The following URI1 variants were observed in gnomAD, a reference collection of about 807,000 sequenced individuals.
URI1 encodes the protein URI1 prefoldin like chaperone.
Under a neutral mutation model 60.2 loss-of-function variants are expected in URI1, and 39 were observed. The ratio of observed to expected loss-of-function variants is 0.65; its 90% CI spans 0.50 to 0.85. The LOEUF (loss-of-function observed/expected upper bound fraction) is 0.85. Ranked by LOEUF, URI1 falls within the 40% of genes least tolerant of loss-of-function variation. URI1 has a pLI of 0.00. For missense variants in URI1, 691 were observed against 665.9 expected, an observed-to-expected ratio of 1.04 and a Z score of -0.42; for synonymous variants, 251 against 236.8, an observed-to-expected ratio of 1.06 and a Z score of -0.55.
rs2055037824 is a variant in URI1, at chr19:29,942,347, C to T, written c.-201C>T. 1.0e-6 allele frequency: 1 copy of T among 984,832 alleles called. No homozygotes were observed. The highest frequency in any genetic ancestry group is 1.2e-6 in the Non-Finnish European group (1 of 829,606). 61.0% of individuals were successfully genotyped at this position (984,832 alleles called of 1,614,324 possible). ...CTCGGAGCCCGCTGCGGGGCGGCGGCGGCGGGGACATGCACGTGTGAGATG... is the reference window on the plus strand; with the variant it reads ...CTCGGAGCCCGCTGCGGGGCGGCGGTGGCGGGGACATGCACGTGTGAGATG... On this transcript the variant is annotated 5_prime_UTR_variant, in exon 1 of 11. Transcript: ENST00000392271.
chr19:29,932,825 G>C (rs2054934131), intron 1 of URI1, among the ~76,000 whole-genome samples: 1 of 150,540 alleles, frequency 6.6e-6, no homozygotes, highest in Admixed American at 6.6e-5. Context: ...CTAATTTTTT[G>C]TATTTTTAGT....
intron 2 of URI1, among the ~76,000 whole-genome samples, chr19:29,982,937 A>AGC (rs2055616869): frequency 6.6e-6 from 1 of 152,154 alleles, no homozygotes; most frequent in Non-Finnish European, 1.5e-5. Context: ...CATTGAAGTT[A>AGC]CTAAGACTAA....
chr19:29,957,995 G>T (rs2055272472), intron 1 of URI1: 1 of 147,756 alleles, frequency 6.8e-6, no homozygotes. Context: ...TTGCTGTGTT[G>T]GCCAGACTAG....
chr19:29,985,222 G>A lies in URI1; in HGVS notation c.153-1G>A. The A allele has an allele frequency of 6.4e-7, 1 of 1,550,706 alleles. No homozygotes were observed. ...GTGTATTTGGTGTTTTCTGTCAACAGGAAGAAGGTAGATAATGACTATAAT... is the reference window on the plus strand; with the variant it reads ...GTGTATTTGGTGTTTTCTGTCAACAAGAAGAAGGTAGATAATGACTATAAT... On this transcript the variant is annotated splice_acceptor_variant, in intron 2 of 10. Transcript: ENST00000392271. LOFTEE classifies it high-confidence loss of function.
intron 10 of URI1, among the ~76,000 whole-genome samples, chr19:30,013,618 CTT>C (rs1414967109): frequency 2.0e-5 from 3 of 152,226 alleles, no homozygotes; most frequent in African/African-American, 7.2e-5. Context: ...CCCTTAGTAG[CTT>C]TGCATTTTGT....
intron 1 of URI1, among the ~76,000 whole-genome samples, chr19:29,949,480 G>C (rs552021553): frequency 6.6e-6 from 1 of 152,348 alleles, no homozygotes; most frequent in Non-Finnish European, 1.5e-5. Flanking sequence ...CGGCCAGGCA[G>C]AGACACTCCT....
intron 4 of URI1, among the ~76,000 whole-genome samples, chr19:30,000,749 G>A (rs922804647): frequency 6.6e-5 from 10 of 151,936 alleles, no homozygotes; most frequent in Admixed American, 1.3e-4. Context: ...CCTTGAAGCC[G>A]TGCTATGGAT....
chr19:29,986,493 T>G, intron 4 of URI1, 76 bp downstream of exon 4: 1 of 1,533,622 alleles, frequency 6.5e-7, no homozygotes, highest in Non-Finnish European at 8.8e-7. Flanking sequence ...AAGGGCTGTT[T>G]CTTACCAAAA....
chr19:29,981,989 T>C (rs1347330058), intron 2 of URI1, among the ~76,000 whole-genome samples: 4 of 152,210 alleles, frequency 2.6e-5, no homozygotes, highest in African/African-American at 7.2e-5. Context: ...TTTGTGATCT[T>C]TAACAGGATT....
Position 30,014,936 on chromosome 19 carries a change from C to A in URI1, c.1475C>A (p.Thr492Lys). 1 of 1,613,624 alleles carries A rather than the reference C, an allele frequency of 6.2e-7. No homozygotes were observed. The highest frequency in any genetic ancestry group is 8.5e-7 in the Non-Finnish European group (1 of 1,179,652). ...IEKEFVSPSL[T>K]PPPAIAHPAL... ...AAAGAATTTGTATCACCTTCCTTAA[C>A]ACCACCCCCAGCCATTGCTCATCCC... The change falls in exon 11 of 11, where the codon ACA becomes AAA. Residue 492 changes from threonine (T) to lysine (K), a missense_variant. Thr to Lys is a moderately conservative substitution (Grantham distance 78, BLOSUM62 -1). Coordinates refer to ENST00000392271, the MANE Select transcript of URI1 (RefSeq NM_003796.3).
chr19:30,002,026 A>G (rs2055884940), intron 4 of URI1, among the ~76,000 whole-genome samples: 1 of 152,012 alleles, frequency 6.6e-6, no homozygotes, highest in Admixed American at 6.6e-5. Flanking sequence ...TCGAAAGAAT[A>G]TTTAAAAATT....
intron 2 of URI1, among the ~76,000 whole-genome samples, chr19:29,981,669 C>CG (rs2055599425): frequency 1.3e-5 from 2 of 151,992 alleles, no homozygotes; most frequent in Admixed American, 6.6e-5. Flanking sequence ...GAGTTGAAGG[C>CG]GGAACCTGAT....
At chr19:29,996,478 T>TG (rs1484094770) in intron 4 of URI1, among the ~76,000 whole-genome samples, 131 of 148,006 alleles carry the variant, frequency 8.9e-4, no homozygotes, top group African/African-American at 3.1e-3. Context: ...ACAAGGGTGT[T>TG]TTGTGTGTGT....
At chr19:29,995,179 A>G (rs1383874676) in intron 4 of URI1, among the ~76,000 whole-genome samples, 1 of 152,164 alleles carries the variant, frequency 6.6e-6, no homozygotes, top group Admixed American at 6.5e-5. Context: ...CAGTTTTCCC[A>G]CATTCTTGTC....
At chr19:29,973,893 CT>C (rs1322201115) in intron 2 of URI1, among the ~76,000 whole-genome samples, 3 of 152,082 alleles carry the variant, frequency 2.0e-5, no homozygotes, top group Non-Finnish European at 2.9e-5. Flanking sequence ...TTGAATCAAA[CT>C]TTTTTTCTTT....
Position 29,986,877 on chromosome 19 carries a change from A to G in URI1, c.367+460A>G, listed in dbSNP as rs1401842442. Among the ~76,000 whole-genome samples the G allele has an allele frequency of 2.6e-5, 4 of 152,174 alleles. No homozygotes were observed. The East Asian group carries it at 7.7e-4, about 29-fold the overall frequency. On this transcript the variant is annotated intron_variant, in intron 4 of 10. Transcript: ENST00000392271. ...AAATGCTTTTTGGTTTGGAAAAAAA[A>G]CCATATTTTCATTTGATAGAGGAGA...
chr19:30,014,417 T>A (rs1253771955), intron 10 of URI1, among the ~76,000 whole-genome samples: 2 of 152,166 alleles, frequency 1.3e-5, no homozygotes, highest in Non-Finnish European at 1.5e-5. Context: ...CAAAGAGATA[T>A]CAGTTAGAAA....
chr19:29,986,534 T>C (rs113984414), intron 4 of URI1, 117 bp downstream of exon 4: 1 of 1,282,548 alleles, frequency 7.8e-7, no homozygotes, highest in Non-Finnish European at 1.1e-6. Context: ...ATCCAGGCTG[T>C]TTGTGATTCT....
chr19:29,995,857 A>G (rs1841998565), intron 4 of URI1, among the ~76,000 whole-genome samples: 1 of 152,102 alleles, frequency 6.6e-6, no homozygotes, highest in Non-Finnish European at 1.5e-5. Flanking sequence ...GATTTGCTGA[A>G]AACACTGTCC....
Sources: gnomAD v4.1 joint callset for allele counts (sites outside exome capture counted in the v4.1 genomes callset) on GRCh38, gnomAD v4.1.1 for gene constraint, MANE v1.5 for transcripts, NCBI Gene and HGNC (gene_info 2026-07-23, HGNC 2026-07-21) for gene names.